The following MYH8 variants were observed in gnomAD, a reference collection of about 807,000 sequenced individuals.
The protein encoded by MYH8 is myosin-8.
Under a neutral mutation model 233.2 loss-of-function variants are expected in MYH8, and 168 were observed. The observed-to-expected ratio is 0.72, with a 90% CI of 0.64 to 0.82. The LOEUF (loss-of-function observed/expected upper bound fraction) is 0.82. Among genes scored for constraint, MYH8 ranks in the 40% least tolerant of loss-of-function variants. The probability of loss-of-function intolerance (pLI) is 0.00; values close to 1 mark genes in which losing one functional copy is unlikely to be tolerated. For synonymous variants in MYH8, 785 were observed against 850.6 expected (o/e 0.92, Z 1.34); for missense variants, 1,995 against 2,327.8 (o/e 0.86, Z 2.94).
Position 10,398,629 on chromosome 17 carries a change from G to A in MYH8, c.3993C>T (p.Ala1331=). ...QLEEETKAKN[A]LAHALQSSRH... is the part of the protein sequence containing the mutation. ...GGGAGGACTGCAGGGCGTGTGCCAG[G>A]GCGTTCTTGGCCTGCAGAAGTAGCA... Residue 1331 remains alanine (A), a synonymous_variant, in exon 30 of 40, where the codon GCC becomes GCT. Transcript: ENST00000403437. The A allele has an allele frequency of 6.2e-7, 1 of 1,614,148 alleles. No homozygotes were observed. Among genetic ancestry groups the A allele is most frequent in the South Asian group, 1.1e-5 (1 of 91,090 alleles).
Position 10,414,021 on chromosome 17 carries a change from C to A in MYH8, c.1028G>T (p.Gly343Val). Residue 343 changes from glycine (G) to valine (V), a missense_variant, in exon 12 of 40, where the codon GGC becomes GTC. By Grantham distance (109) the Gly-to-Val change is moderately radical. Around this residue, in one of 3 missense-constraint regions of MYH8, gnomAD observed 479 missense variants for 600.9 expected, o/e 0.80. Transcript: ENST00000403437. ...GGACACTTTCTCTTCAGGAGTGAAG[C>A]CCAGGATGTCAATGGCACTCTACCA... ...MATDSAIDIL[G>V]FTPEEKVSIY... 1 of 1,614,058 alleles carries A rather than the reference C, an allele frequency of 6.2e-7. No homozygotes were observed. The highest frequency in any genetic ancestry group is 1.1e-5 in the South Asian group (1 of 91,074).
chr17:10,390,872 A>G (rs1467795743), intron 39 of MYH8, among the ~76,000 whole-genome samples: 3 of 152,222 alleles, frequency 2.0e-5, no homozygotes, highest in Non-Finnish European at 2.9e-5. Flanking sequence ...GAAGAGACCT[A>G]TGTACACTTA....
chr17:10,393,386 A>G (rs1205907976), intron 35 of MYH8, among the ~76,000 whole-genome samples, 176 bp from the exon 36 acceptor site: 4 of 152,168 alleles, frequency 2.6e-5, no homozygotes, highest in Non-Finnish European at 4.4e-5. Flanking sequence ...CTTTCCCCCA[A>G]CTTCCCCAGT....
rs1211386406 is a variant in MYH8 at position 10,417,266 on chromosome 17, T to C, written c.511+1379A>G. The stretch of plus-strand genomic sequence containing the variant: ...GTGTTAGATTATAGATTTTAGAGAA[T>C]TCTAAAACCTAAAAATCTATTCAGG... On this transcript the variant is annotated intron_variant, in intron 5 of 39. Transcript: ENST00000403437. The surrounding 1 kb of genome is among the most constrained non-coding windows in gnomAD (Gnocchi z 4.1). Among the ~76,000 whole-genome samples, 3 of 152,238 alleles carry C rather than the reference T, an allele frequency of 2.0e-5. No homozygotes were observed.
At chr17:10,414,532 T>C (rs776275080) in intron 9 of MYH8, 48 bp from the exon 10 acceptor site, 2 of 1,249,316 alleles carry the variant, frequency 1.6e-6, no homozygotes, top group South Asian at 2.4e-5. Context: ...TCAATGCTTC[T>C]GAGATAGTAA....
chr17:10,409,654 G>A lies in MYH8; in HGVS notation c.1588-66C>T, dbSNP rs539885367. On this transcript the variant is annotated intron_variant, in intron 15 of 39. Transcript: ENST00000403437. ...CTCAAAAGATAGAGACATGGTGGCTGTCATTTGATTGAATTATGAGCACCC... is the reference window on the plus strand; with the variant it reads ...CTCAAAAGATAGAGACATGGTGGCTATCATTTGATTGAATTATGAGCACCC... 1.3e-5 allele frequency: 21 copies of A among 1,592,442 alleles called. No individual in the cohort carries two copies. In the African/African-American group the frequency reaches 2.4e-4, roughly 18 times the overall value.
chr17:10,419,117 G>A lies in MYH8; in HGVS notation c.211-87C>T. On this transcript the variant is annotated intron_variant, in intron 3 of 39. Coordinates refer to ENST00000403437, the MANE Select transcript of MYH8 (RefSeq NM_002472.3). This position sits in a 1 kb window ranked among gnomAD's most constrained non-coding sequence, Gnocchi z 4.0. The stretch of plus-strand genomic sequence containing the variant: ...TTTTTGCCCAGGCTGGAGTGCAGTG[G>A]CGCGATCTCAGCTCACTGCAACCTC... The A allele has an allele frequency of 6.7e-7, 1 of 1,488,822 alleles. No individual in the cohort carries two copies. 92.2% of individuals were successfully genotyped at this position (1,488,822 alleles called of 1,614,324 possible). A position where few individuals can be genotyped will look rare whatever the true frequency, so the allele number is the denominator to read the frequency against.
chr17:10,420,999 C>T (rs1297158477), intron 2 of MYH8, among the ~76,000 whole-genome samples: 1 of 152,094 alleles, frequency 6.6e-6, no homozygotes, highest in Non-Finnish European at 1.5e-5. Flanking sequence ...CTTTTCTTTC[C>T]ACCCAGAAAA....
At position 10,401,322 on chromosome 17, in the gene MYH8, T is replaced by G. The variant is rs1444669759; in HGVS notation, c.3061A>C (p.Asn1021His). The change falls in exon 24 of 40, where the codon AAC (asparagine) becomes CAC (histidine). Residue 1021 changes from asparagine to histidine, a missense_variant. Transcript: ENST00000403437. ...TTGGTTTTAGCTTTGGTCAGGATGT[T>G]GACTTTGTCCTCCTCTGCCTGCAGG... ...DDLQAEEDKVNILTKAKTKLE... is the reference protein window; with the variant it reads ...DDLQAEEDKVHILTKAKTKLE... 2 of 1,614,076 alleles carry G rather than the reference T, an allele frequency of 1.2e-6. No homozygotes were observed. Among genetic ancestry groups the G allele is most frequent in the African/African-American group, 2.7e-5 (2 of 74,924 alleles).
rs764857484 is a variant in MYH8 at position 10,420,086 on chromosome 17, A to G, written c.142T>C (p.Ser48Pro). 1 of 1,614,186 alleles carries G rather than the reference A, an allele frequency of 6.2e-7. No individual in the cohort carries two copies. Among genetic ancestry groups the G allele is most frequent in the Admixed American group, 1.7e-5 (1 of 60,028 alleles). ...CTTTGTATAGTGCTCTTCACATAGG[A>G]TTCCTTGGGCTCCGCCACAAAGACA... The part of the protein sequence containing the change: ...TSVFVAEPKE[S>P]YVKSTIQSKE... Residue 48 changes from serine to proline, a missense_variant, in exon 3 of 40, where the codon TCC becomes CCC. Physicochemically the swap from Ser to Pro is moderately conservative, Grantham distance 74 (BLOSUM62 -1). Coordinates refer to ENST00000403437, the MANE Select transcript of MYH8 (RefSeq NM_002472.3).
At position 10,390,592 on chromosome 17, in the gene MYH8, G is replaced by A. The variant is rs267604696; in HGVS notation, c.5676C>T (p.Ser1892=). The change falls in exon 40 of 40, where the codon TCC becomes TCT. Residue 1892 remains serine, a synonymous_variant. Coordinates refer to ENST00000403437, the MANE Select transcript of MYH8 (RefSeq NM_002472.3). ...KRQAEEAEEQ[S]NANLSKFRKL... The stretch of plus-strand genomic sequence containing the variant: ...TGCGGAATTTAGATAGATTAGCATT[G>A]GATTGTTCCTCCTAAGAATAGAGAT... 13 of 1,614,074 alleles carry A rather than the reference G, an allele frequency of 8.1e-6. No individual in the cohort carries two copies. The highest frequency in any genetic ancestry group is 1.1e-5 in the Non-Finnish European group (13 of 1,179,918).
At position 10,415,818 on chromosome 17, in the gene MYH8, A is replaced by G; in HGVS notation, c.512-110T>C. The G allele has an allele frequency of 7.7e-7, 1 of 1,299,822 alleles. No homozygotes were observed. The allele number at this position is 1,299,822 out of a possible 1,614,324, so 80.5% of individuals were successfully genotyped here. A position where few individuals can be genotyped will look rare whatever the true frequency, so the allele number is the denominator to read the frequency against. ...TTCTTTTTAACTTTTTGAAGATGTCACCTTTGGTTTTGATTTTGTGTTTAT... is the reference window on the plus strand; with the variant it reads ...TTCTTTTTAACTTTTTGAAGATGTCGCCTTTGGTTTTGATTTTGTGTTTAT... On this transcript the variant is annotated intron_variant, in intron 5 of 39. Transcript: ENST00000403437. The surrounding 1 kb of genome is among the most constrained non-coding windows in gnomAD (Gnocchi z 4.1).
intron 12 of MYH8, among the ~76,000 whole-genome samples, chr17:10,413,653 T>C (rs189012431): frequency 6.6e-6 from 1 of 152,268 alleles, no homozygotes; most frequent in Admixed American, 6.5e-5. Flanking sequence ...TTATATCTCA[T>C]TCTATCTCAT....
chr17:10,409,657 A>C (rs2142183671), intron 15 of MYH8, 69 bp from the exon 16 acceptor site: 1 of 1,581,936 alleles, frequency 6.3e-7, no homozygotes, highest in South Asian at 1.1e-5. Context: ...GGTGGCTGTC[A>C]TTTGATTGAA....
intron 27 of MYH8, 151 bp from the exon 28 acceptor site, chr17:10,399,820 G>C: frequency 1.8e-6 from 2 of 1,120,800 alleles, no homozygotes; most frequent in Non-Finnish European, 1.3e-6. Flanking sequence ...AAGAATTTAG[G>C]CATGGCGAGT....
chr17:10,404,338 C>T lies in MYH8; in HGVS notation c.2680G>A (p.Val894Ile), dbSNP rs35952774. The T allele has an allele frequency of 7.4e-5, 119 of 1,613,770 alleles. No homozygotes were observed. The highest frequency in any genetic ancestry group is 4.4e-4 in the South Asian group (40 of 91,062). The change falls in exon 22 of 40, where the codon GTT becomes ATT. Residue 894 changes from valine (V) to isoleucine (I), a missense_variant. Physicochemically the swap from Val to Ile is conservative, Grantham distance 29. Coordinates refer to ENST00000403437, the MANE Select transcript of MYH8 (RefSeq NM_002472.3). ...GAATATGGAGTACTCACAGATTGAA[C>T]CTGGAGTTGCAGGTCATTTTTCTCT... is the stretch of plus-strand genomic sequence containing the variant. ...LKEKNDLQLQ[V>I]QSEADSLADA...
intron 15 of MYH8, among the ~76,000 whole-genome samples, chr17:10,409,943 A>G (rs1322092812): frequency 6.6e-6 from 1 of 152,198 alleles, no homozygotes; most frequent in African/African-American, 2.4e-5. Context: ...TGTTGACTCT[A>G]TGCAGTAATT....
Position 10,410,861 on chromosome 17 carries a change from C to T in MYH8, c.1503G>A (p.Gln501=). 6.2e-7 allele frequency: 1 copy of T among 1,614,022 alleles called. No individual in the cohort carries two copies. Among genetic ancestry groups the T allele is most frequent in the Non-Finnish European group, 8.5e-7 (1 of 1,179,970 alleles). Residue 501 remains glutamine, a synonymous_variant, in exon 15 of 40, where the codon CAG becomes CAA. Coordinates refer to ENST00000403437, the MANE Select transcript of MYH8 (RefSeq NM_002472.3). ...FFNHHMFVLE[Q]EEYKKEGIEW... is the part of the protein sequence containing the mutation. The stretch of plus-strand genomic sequence containing the variant: ...CGATGCCTTCCTTCTTGTACTCCTC[C>T]TGCTCTAGCACAAACATGTGGTGGT...
rs773499534 is a variant in MYH8 at position 10,400,704 on chromosome 17, C to T, written c.3421G>A (p.Asp1141Asn). ...ATCTCCTCCAGTTCCCGGGAGAGGT[C>T]AGAGCGCTGCTTCTCCGCTTTGGCT... ...SRAKAEKQRS[D>N]LSRELEEISE... The change falls in exon 27 of 40, where the codon GAC becomes AAC. Residue 1141 changes from aspartate to asparagine, a missense_variant. Coordinates refer to ENST00000403437, the MANE Select transcript of MYH8 (RefSeq NM_002472.3). The surrounding 1 kb of genome is among the most constrained non-coding windows in gnomAD (Gnocchi z 4.0). The T allele has an allele frequency of 6.2e-7, 1 of 1,614,200 alleles. No homozygotes were observed. Among genetic ancestry groups the T allele is most frequent in the South Asian group, 1.1e-5 (1 of 91,082 alleles).
Sources: allele counts gnomAD v4.1 joint callset (sites outside exome capture counted in the v4.1 genomes callset), GRCh38; gene constraint gnomAD v4.1.1; regional missense constraint gnomAD v4.1.1; non-coding constraint Gnocchi (gnomAD v3.1); transcripts MANE v1.5; gene names NCBI Gene and HGNC (gene_info 2026-07-23, HGNC 2026-07-21).